AGPS: variants seen among roughly 807,000 people sequenced by gnomAD.
AGPS encodes alkyldihydroxyacetonephosphate synthase, peroxisomal.
A neutral mutation model predicts 90.7 loss-of-function variants in AGPS; 26 were observed. The observed-to-expected ratio is 0.29, with a 90% CI of 0.21 to 0.40. The LOEUF (loss-of-function observed/expected upper bound fraction) is 0.40. Ranked by LOEUF, AGPS falls within the 10% of genes least tolerant of loss-of-function variation. The pLI is 1.00. For synonymous variants in AGPS, 294 were observed against 285.3 expected (o/e 1.03, Z -0.31); for missense variants, 540 against 816.1 (o/e 0.66, Z 4.12).
intron 1 of AGPS, chr2:177,393,361 G>T: frequency 1.0e-6 from 1 of 985,358 alleles, no homozygotes; most frequent in Non-Finnish European, 1.2e-6. Context: ...TTTTTATCTT[G>T]AATTAATACT....
Position 177,543,073 on chromosome 2 carries a change from T to G in AGPS, c.*4878T>G, listed in dbSNP as rs1321602447. 6.6e-6 allele frequency: 1 copy of G among 152,236 alleles called. No homozygotes were observed. The highest frequency in any genetic ancestry group is 1.5e-5 in the Non-Finnish European group (1 of 68,050). The allele number at this position is 152,236 out of a possible 1,614,324, so 9.4% of individuals were successfully genotyped here. ...GACCTGTACTCTGATACACATCGAA[T>G]CAGTCAATGGGATTTGTATGTGCTT... On this transcript the variant is annotated 3_prime_UTR_variant, in exon 20 of 20. Transcript: ENST00000264167.
At chr2:177,536,523 C>T (rs942721648) in intron 19 of AGPS, among the ~76,000 whole-genome samples, 11 of 151,968 alleles carry the variant, frequency 7.2e-5, no homozygotes, top group African/African-American at 2.7e-4. Flanking sequence ...AAAGTCTAAT[C>T]CATTTGCAAG....
At chr2:177,496,465 A>G (rs1194962522) in intron 12 of AGPS, among the ~76,000 whole-genome samples, 1 of 152,180 alleles carries the variant, frequency 6.6e-6, no homozygotes, top group Non-Finnish European at 1.5e-5. Flanking sequence ...TATACTAGGA[A>G]GCATCTCTGA....
chr2:177,499,794 G>A, intron 14 of AGPS, 64 bp downstream of exon 14: 1 of 1,102,310 alleles, frequency 9.1e-7, no homozygotes, highest in Non-Finnish European at 1.4e-6. Context: ...ATATCACCAA[G>A]CAATTATTAA....
intron 8 of AGPS, among the ~76,000 whole-genome samples, chr2:177,449,899 G>T (rs1686886175): frequency 6.6e-6 from 1 of 151,676 alleles, no homozygotes; most frequent in South Asian, 2.1e-4. Flanking sequence ...GTGCAGTGGT[G>T]TGATCTCGGC....
At chr2:177,424,928 G>T (rs147794630) in intron 2 of AGPS, among the ~76,000 whole-genome samples, 5,332 of 151,592 alleles carry the variant, frequency 0.035, 203 homozygotes, top group African/African-American at 0.097. Flanking sequence ...AATGGGGTTG[G>T]TTTTTTCTTG....
At chr2:177,484,354 GT>G in intron 11 of AGPS, among the ~76,000 whole-genome samples, 1 of 151,732 alleles carries the variant, frequency 6.6e-6, no homozygotes, top group East Asian at 1.9e-4. Flanking sequence ...TTTTTTGTTT[GT>G]TTTTTTAAGA....
intron 14 of AGPS, among the ~76,000 whole-genome samples, chr2:177,503,624 CAA>C (rs1409057016): frequency 1.3e-5 from 2 of 152,094 alleles, no homozygotes; most frequent in Non-Finnish European, 2.9e-5. Flanking sequence ...GGAGTGATTA[CAA>C]AAGTCACAAT....
intron 2 of AGPS, among the ~76,000 whole-genome samples, chr2:177,428,315 C>T (rs573742830): frequency 8.2e-4 from 125 of 152,230 alleles, no homozygotes; most frequent in African/African-American, 2.0e-3. Context: ...GGCATTTAGC[C>T]CATTTACATT....
At chr2:177,499,265 T>C (rs1305921362) in intron 13 of AGPS, among the ~76,000 whole-genome samples, 3 of 151,902 alleles carry the variant, frequency 2.0e-5, no homozygotes, top group African/African-American at 7.2e-5. Flanking sequence ...GCCCAATATA[T>C]CCAGCTACTT....
intron 9 of AGPS, among the ~76,000 whole-genome samples, chr2:177,464,012 G>C (rs1574389457): frequency 6.6e-6 from 1 of 152,136 alleles, no homozygotes; most frequent in Non-Finnish European, 1.5e-5. Flanking sequence ...CACAATCTCA[G>C]CTCACTGCAA....
chr2:177,406,137 T>C (rs976130464), intron 1 of AGPS, among the ~76,000 whole-genome samples: 1 of 152,176 alleles, frequency 6.6e-6, no homozygotes, highest in African/African-American at 2.4e-5. Flanking sequence ...TTATCGACTC[T>C]CAAGACACTT....
chr2:177,485,465 C>T (rs184756150), intron 11 of AGPS, among the ~76,000 whole-genome samples: 2 of 152,102 alleles, frequency 1.3e-5, no homozygotes, highest in African/African-American at 4.8e-5. Context: ...TCGATATGCC[C>T]CTGATAGAAA....
At chr2:177,508,438 T>A (rs965014759) in intron 16 of AGPS, among the ~76,000 whole-genome samples, 1 of 152,200 alleles carries the variant, frequency 6.6e-6, no homozygotes, top group African/African-American at 2.4e-5. Context: ...TTTTTGATAT[T>A]TGTATGTGTA....
intron 1 of AGPS, among the ~76,000 whole-genome samples, chr2:177,406,601 T>A (rs1038285583): frequency 1.3e-5 from 2 of 152,022 alleles, no homozygotes; most frequent in Non-Finnish European, 2.9e-5. Flanking sequence ...AAATGTAGAG[T>A]GGTGCTGTGT....
At chr2:177,439,933 A>G (rs1320572934) in intron 5 of AGPS, among the ~76,000 whole-genome samples, 1 of 152,130 alleles carries the variant, frequency 6.6e-6, no homozygotes, top group African/African-American at 2.4e-5. Flanking sequence ...TCTTCCAGTC[A>G]GGTTTTTGTT....
intron 10 of AGPS, among the ~76,000 whole-genome samples, chr2:177,475,367 T>A (rs1021586846): frequency 6.6e-5 from 10 of 152,100 alleles, no homozygotes; most frequent in Admixed American, 3.3e-4. Flanking sequence ...TACTAATAGG[T>A]AACCTGTCAA....
In AGPS at chr2:177,393,012, C is replaced by G. The variant is rs1465080160; in HGVS notation, c.223C>G (p.Pro75Ala). The G allele has an allele frequency of 6.5e-7, 1 of 1,550,356 alleles. No homozygotes were observed. The highest frequency in any genetic ancestry group is 1.4e-5 in the African/African-American group (1 of 73,180). The change falls in exon 1 of 20, where the codon CCC becomes GCC. Residue 75 changes from proline to alanine, a missense_variant. Transcript: ENST00000264167. ...SAATAAPTATPAAQESGTIPK... is the reference protein window; with the variant it reads ...SAATAAPTATAAAQESGTIPK... ...GGCCACGGCAGCGCCCACGGCCACTCCCGCCGCGCAGGAGTCGGGCACCAT... is the reference window on the plus strand; with the variant it reads ...GGCCACGGCAGCGCCCACGGCCACTGCCGCCGCGCAGGAGTCGGGCACCAT...
At position 177,490,643 on chromosome 2, in the gene AGPS, A is replaced by G. The variant is rs192838135; in HGVS notation, c.1234-2505A>G. 1.8e-3 allele frequency among the ~76,000 whole-genome samples: 275 copies of G among 152,240 alleles called. 3 individuals carry two copies. The highest frequency in any genetic ancestry group is 1.5e-4 in the Non-Finnish European group (10 of 68,006). On this transcript the variant is annotated intron_variant, in intron 11 of 19. Coordinates refer to ENST00000264167, the MANE Select transcript of AGPS (RefSeq NM_003659.4). ...TCAATATAATTGAATATTAGTTGCT[A>G]TATGATACAGCAGTTGCCCAGGAGC...
Sources: gnomAD v4.1 joint callset for allele counts (sites outside exome capture counted in the v4.1 genomes callset) on GRCh38, gnomAD v4.1.1 for gene constraint, MANE v1.5 for transcripts, NCBI Gene and HGNC (gene_info 2026-07-23, HGNC 2026-07-21) for gene names.